The following SNX11 variants were observed in gnomAD, a reference collection of about 807,000 sequenced individuals.
SNX11 encodes sorting nexin-11.
SNX11 carries 19 observed loss-of-function variants against 30.7 expected under a neutral mutation model. The observed-to-expected ratio is 0.62, with a 90% CI of 0.43 to 0.91. SNX11 has a LOEUF of 0.91. Among genes scored for constraint, SNX11 ranks in the 40% least tolerant of loss-of-function variants. The probability of loss-of-function intolerance (pLI) is 0.00; values close to 1 mark genes in which losing one functional copy is unlikely to be tolerated. For missense variants in SNX11, 302 were observed against 326.7 expected, an observed-to-expected ratio of 0.92 and a Z score of 0.58; for synonymous variants, 112 against 119.0, an observed-to-expected ratio of 0.94 and a Z score of 0.38.
At position 48,122,789 on chromosome 17, in the gene SNX11, G is replaced by A. The variant is rs957629968; in HGVS notation, c.*1281G>A. ...TGTCTAACAAGCTGTAGCAGAGAAG[G>A]AGGGAGTGAGCGCTGGCAGTATTTC... On this transcript the variant is annotated 3_prime_UTR_variant, in exon 7 of 7. Coordinates refer to ENST00000359238, the MANE Select transcript of SNX11 (RefSeq NM_013323.3). 2.6e-5 allele frequency: 4 copies of A among 152,246 alleles called. No individual in the cohort carries two copies. The highest frequency in any genetic ancestry group is 9.6e-5 in the African/African-American group (4 of 41,468). 9.4% of individuals were successfully genotyped at this position (152,246 alleles called of 1,614,324 possible). A position where few individuals can be genotyped will look rare whatever the true frequency, so the allele number is the denominator to read the frequency against.
intron 2 of SNX11, 159 bp downstream of exon 2, chr17:48,112,244 A>C: frequency 1.3e-6 from 1 of 754,566 alleles, no homozygotes; most frequent in Non-Finnish European, 2.3e-6. Flanking sequence ...AATCAACAGC[A>C]GAGGCATTCC....
At position 48,123,237 on chromosome 17, in the gene SNX11, C is replaced by A. The variant is rs2063616037; in HGVS notation, c.*1729C>A. Among the ~76,000 whole-genome samples the A allele has an allele frequency of 1.3e-5, 2 of 152,138 alleles. No homozygotes were observed. Among genetic ancestry groups the A allele is most frequent in the Admixed American group, 1.3e-4 (2 of 15,270 alleles). ...AAAAAAACTCCATGTGCAACCCTCA[C>A]AAAAACCCGACAGATGCTAAGCTAA... On this transcript the variant is annotated 3_prime_UTR_variant, in exon 7 of 7. Coordinates refer to ENST00000359238, the MANE Select transcript of SNX11 (RefSeq NM_013323.3).
At chr17:48,120,572 C>T (rs1362582080) in intron 6 of SNX11, among the ~76,000 whole-genome samples, 5 of 137,730 alleles carry the variant, frequency 3.6e-5, no homozygotes, top group Non-Finnish European at 6.1e-5. Flanking sequence ...TGCAGTGGCA[C>T]GATTCAGCTC....
At chr17:48,112,139 G>A in intron 2 of SNX11, 54 bp downstream of exon 2, 1 of 1,444,964 alleles carries the variant, frequency 6.9e-7, no homozygotes, top group Non-Finnish European at 9.7e-7. Context: ...AGGGGATTTA[G>A]GAGGAAAGAG....
At chr17:48,111,581 A>G (rs2063492553) in intron 1 of SNX11, among the ~76,000 whole-genome samples, 1 of 147,550 alleles carries the variant, frequency 6.8e-6, no homozygotes, top group African/African-American at 2.5e-5. Flanking sequence ...CAGGAGGCAG[A>G]GGTTGTGGTG....
rs1380579468 is a variant in SNX11, at chr17:48,123,164, C to T, written c.*1656C>T. 3.3e-5 allele frequency: 5 copies of T among 152,206 alleles called. No individual in the cohort carries two copies. Among genetic ancestry groups the T allele is most frequent in the Admixed American group, 6.5e-5 (1 of 15,270 alleles). The allele number at this position is 152,206 out of a possible 1,614,324, so 9.4% of individuals were successfully genotyped here. ...AGCAGAGCAAGGCGAGGATAGAAAA[C>T]CTACAGAGGCAAATCCAAAATGTCA... is the stretch of plus-strand genomic sequence containing the variant. On this transcript the variant is annotated 3_prime_UTR_variant, in exon 7 of 7. Coordinates refer to ENST00000359238, the MANE Select transcript of SNX11 (RefSeq NM_013323.3).
rs143038110 is a variant in SNX11, at chr17:48,117,787, G to T, written c.231-917G>T. ...GGAGGTTAAGGAAGGAGGATCACTT[G>T]AGGCCAGGAGTTTGAGACCAGCCTG... On this transcript the variant is annotated intron_variant, in intron 4 of 6. Transcript: ENST00000359238. Among the ~76,000 whole-genome samples the T allele has an allele frequency of 4.7e-3, 718 of 152,258 alleles. 3 individuals are homozygous for T. The highest frequency in any genetic ancestry group is 0.016 in the African/African-American group (673 of 41,550).
Position 48,122,491 on chromosome 17 carries a change from C to T in SNX11, c.*983C>T, listed in dbSNP as rs1413419783. On this transcript the variant is annotated 3_prime_UTR_variant, in exon 7 of 7. Coordinates refer to ENST00000359238, the MANE Select transcript of SNX11 (RefSeq NM_013323.3). The stretch of plus-strand genomic sequence containing the variant: ...GCTCTCCTTCAGACAATGAGGCATT[C>T]TGTCCTCCTGCTGCCATTCTTCATC... 2.6e-5 allele frequency: 4 copies of T among 152,716 alleles called. No individual in the cohort carries two copies. In the East Asian group the frequency reaches 7.7e-4, roughly 29 times the overall value. 9.5% of individuals were successfully genotyped at this position (152,716 alleles called of 1,614,324 possible).
At chr17:48,109,494 G>A (rs1321145460) in intron 1 of SNX11, among the ~76,000 whole-genome samples, 2 of 151,652 alleles carry the variant, frequency 1.3e-5, no homozygotes, top group African/African-American at 4.8e-5. Context: ...TCTTGACCTC[G>A]TATTTCGCCC....
chr17:48,109,702 C>T (rs920279497), intron 1 of SNX11, among the ~76,000 whole-genome samples: 4 of 152,002 alleles, frequency 2.6e-5, no homozygotes, highest in Non-Finnish European at 4.4e-5. Flanking sequence ...TTCAGTCTCC[C>T]AAGTAGGTGG....
chr17:48,113,247 C>A, intron 3 of SNX11, 54 bp from the exon 4 acceptor site: 1 of 1,432,378 alleles, frequency 7.0e-7, no homozygotes, highest in Non-Finnish European at 9.8e-7. Context: ...CTCATGTGAA[C>A]TTGTCTATTT....
rs201806847 is a variant in SNX11 at position 48,112,558 on chromosome 17, C to A, written c.43-16C>A. ...TGCTGTGTAGCTGAAGCTGAGGGAG[C>A]TTTTCTTACCTACAGGAGGTGATTA... On this transcript the variant is annotated splice_polypyrimidine_tract_variant and intron_variant, in intron 2 of 6. Coordinates refer to ENST00000359238, the MANE Select transcript of SNX11 (RefSeq NM_013323.3). 17 of 1,590,536 alleles carry A rather than the reference C, an allele frequency of 1.1e-5. No individual in the cohort carries two copies. The highest frequency in any genetic ancestry group is 1.7e-4 in the Middle Eastern group (1 of 5,734).
chr17:48,111,407 G>A (rs1192010898), intron 1 of SNX11, among the ~76,000 whole-genome samples: 3 of 152,144 alleles, frequency 2.0e-5, no homozygotes, highest in Non-Finnish European at 2.9e-5. Flanking sequence ...CAGCACTTTG[G>A]GAGGCCGAGG....
intron 6 of SNX11, among the ~76,000 whole-genome samples, chr17:48,120,663 C>A (rs1378310216): frequency 7.3e-5 from 11 of 151,718 alleles, no homozygotes; most frequent in Admixed American, 7.2e-4. Context: ...CGCCCGCCAC[C>A]ATGCCCGGCT....
Position 48,121,853 on chromosome 17 carries a change from A to C in SNX11, c.*345A>C. On this transcript the variant is annotated 3_prime_UTR_variant, in exon 7 of 7. Coordinates refer to ENST00000359238, the MANE Select transcript of SNX11 (RefSeq NM_013323.3). Reference sequence around the variant, plus strand: ...CAGTTTTGGGGACCCGTATGTGGCAAATTCTAAGCTGCCATATTGAACATC... The same window carrying C: ...CAGTTTTGGGGACCCGTATGTGGCACATTCTAAGCTGCCATATTGAACATC... The C allele has an allele frequency of 4.3e-6, 1 of 230,114 alleles. No individual in the cohort carries two copies. The allele number at this position is 230,114 out of a possible 1,614,324, so 14.3% of individuals were successfully genotyped here. A position where few individuals can be genotyped will look rare whatever the true frequency, so the allele number is the denominator to read the frequency against.
intron 4 of SNX11, 33 bp from the exon 5 acceptor site, chr17:48,118,671 T>C (rs2144527945): frequency 6.7e-7 from 1 of 1,494,114 alleles, no homozygotes; most frequent in African/African-American, 1.4e-5. Flanking sequence ...GATGTTACAC[T>C]TATCATGGGT....
At position 48,112,073 on chromosome 17, in the gene SNX11, C is replaced by T. The variant is rs759073379; in HGVS notation, c.30C>T (p.Asn10=). Residue 10 remains asparagine, a synonymous_variant, in exon 2 of 7, where the codon AAC becomes AAT. Coordinates refer to ENST00000359238, the MANE Select transcript of SNX11 (RefSeq NM_013323.3). ...GCTTTTGGTGTAGGATGTCGGAGAACCAAGAACAGGAGGTAAGAGTATGGT... is the reference window on the plus strand; with the variant it reads ...GCTTTTGGTGTAGGATGTCGGAGAATCAAGAACAGGAGGTAAGAGTATGGT... MGFWCRMSE[N]QEQEEVITVR... 1 of 1,613,562 alleles carries T rather than the reference C, an allele frequency of 6.2e-7. No individual in the cohort carries two copies. Among genetic ancestry groups the T allele is most frequent in the South Asian group, 1.1e-5 (1 of 91,046 alleles).
Position 48,112,624 on chromosome 17 carries a change from C to T in SNX11, c.93C>T (p.Ser31=). 6.2e-7 allele frequency: 1 copy of T among 1,613,686 alleles called. No homozygotes were observed. Among genetic ancestry groups the T allele is most frequent in the Non-Finnish European group, 8.5e-7 (1 of 1,179,734 alleles). ...VQDPRVQNEG[S]WNSYVDYKIF... is the part of the protein sequence containing the mutation. ...ACCCCCGAGTGCAGAATGAGGGCTC[C>T]TGGAACTCTTATGTGGATTATAAGA... Residue 31 remains serine, a synonymous_variant, in exon 3 of 7, where the codon TCC becomes TCT. Coordinates refer to ENST00000359238, the MANE Select transcript of SNX11 (RefSeq NM_013323.3).
intron 4 of SNX11, among the ~76,000 whole-genome samples, chr17:48,117,257 A>ATTT (rs1408221191): frequency 8.7e-4 from 10 of 11,490 alleles, no homozygotes; most frequent in African/African-American, 1.7e-3. Flanking sequence ...TTATTTATTT[A>ATTT]ATTTTTTTTT....
Sources: allele counts gnomAD v4.1 joint callset (sites outside exome capture counted in the v4.1 genomes callset), GRCh38; gene constraint gnomAD v4.1.1; transcripts MANE v1.5; gene names NCBI Gene and HGNC (gene_info 2026-07-23, HGNC 2026-07-21).